GPR107: variants seen among roughly 807,000 people sequenced by gnomAD.
The protein encoded by GPR107 is protein GPR107.
GPR107 carries 31 observed loss-of-function variants against 75.5 expected under a neutral mutation model. The observed-to-expected ratio is 0.41, with a 90% CI of 0.31 to 0.55. The LOEUF (loss-of-function observed/expected upper bound fraction) is 0.55, where lower values mean the gene tolerates loss of function less well. Among genes scored for constraint, GPR107 ranks in the 20% least tolerant of loss-of-function variants. The probability of loss-of-function intolerance (pLI) is 0.26; values close to 1 mark genes in which losing one functional copy is unlikely to be tolerated. For synonymous variants in GPR107, 267 were observed against 251.3 expected, an observed-to-expected ratio of 1.06 and a Z score of -0.59; for missense variants, 572 against 665.7, an observed-to-expected ratio of 0.86 and a Z score of 1.55.
rs377560330 is a variant in GPR107, at chr9:130,100,397, C to G, written c.940-232C>G. 3.9e-4 allele frequency among the ~76,000 whole-genome samples: 60 copies of G among 152,348 alleles called. 2 individuals are homozygous for G. In the South Asian group the frequency reaches 0.012, roughly 31 times the overall value. On this transcript the variant is annotated intron_variant, in intron 10 of 17. Coordinates refer to ENST00000347136, the MANE Select transcript of GPR107 (RefSeq NM_020960.5). ...GGGGTAAGATCACAACTTCTCCTGT[C>G]TGTGGGCCTCCAAGTGCCCGTGGAG...
intron 15 of GPR107, among the ~76,000 whole-genome samples, chr9:130,127,182 T>TA (rs1423985862): frequency 5.3e-5 from 8 of 152,124 alleles, no homozygotes; most frequent in Admixed American, 5.2e-4. Flanking sequence ...ATCAAGGGCT[T>TA]ATGTCTGTGG....
chr9:130,086,441 T>C lies in GPR107; in HGVS notation c.586T>C (p.Ser196Pro), dbSNP rs1338267654. The C allele has an allele frequency of 1.3e-6, 2 of 1,549,534 alleles. No individual in the cohort carries two copies. The highest frequency in any genetic ancestry group is 2.2e-5 in the South Asian group (2 of 89,642). The change falls in exon 7 of 18, where the codon TCT becomes CCT. Residue 196 changes from serine (S) to proline (P), a missense_variant. Physicochemically the swap from Ser to Pro is moderately conservative, Grantham distance 74. Coordinates refer to ENST00000347136, the MANE Select transcript of GPR107 (RefSeq NM_020960.5). ...TTAGGCCATGGGAGAGAAATCCTTT[T>C]CTGTTCATAATAATGGTGGGGCAGT... ...DSKAMGEKSFSVHNNGGAVSF... is the reference protein window; with the variant it reads ...DSKAMGEKSFPVHNNGGAVSF...
At chr9:130,127,666 A>G in intron 16 of GPR107, 100 bp downstream of exon 16, 3 of 685,666 alleles carry the variant, frequency 4.4e-6, no homozygotes, top group Non-Finnish European at 7.7e-6. Context: ...GGGAATGACC[A>G]CTAAGACCTT....
At chr9:130,064,213 C>A (rs1429635407) in intron 1 of GPR107, among the ~76,000 whole-genome samples, 1 of 64,104 alleles carries the variant, frequency 1.6e-5, no homozygotes, top group Non-Finnish European at 2.9e-5. Context: ...TTTTTTGAGA[C>A]GGAGTCTCGC....
intron 2 of GPR107, 40 bp downstream of exon 2, chr9:130,075,789 T>C: frequency 9.7e-7 from 1 of 1,031,044 alleles, no homozygotes; most frequent in Non-Finnish European, 1.5e-6. Context: ...TTACTCTTTT[T>C]TTTTTTTTTT....
At chr9:130,092,457 G>C in intron 9 of GPR107, 76 bp downstream of exon 9, 1 of 1,209,892 alleles carries the variant, frequency 8.3e-7, no homozygotes, top group Non-Finnish European at 1.2e-6. Context: ...TCCTGAACCT[G>C]GAGGCAGTTG....
chr9:130,079,737 C>A lies in GPR107; in HGVS notation c.494C>A (p.Ala165Asp). 1 of 1,612,442 alleles carries A rather than the reference C, an allele frequency of 6.2e-7. No individual in the cohort carries two copies. Among genetic ancestry groups the A allele is most frequent in the South Asian group, 1.1e-5 (1 of 90,796 alleles). Reference sequence around the variant, plus strand: ...AGCCAGGAGCCTAATGTTAACCCTGCTTCAGCAGGCAACCAGACCCAGAAG... The same window carrying A: ...AGCCAGGAGCCTAATGTTAACCCTGATTCAGCAGGCAACCAGACCCAGAAG... Reference protein sequence around the residue: ...GQSQEPNVNPASAGNQTQKTQ... With the variant: ...GQSQEPNVNPDSAGNQTQKTQ... Residue 165 changes from alanine (A) to aspartate (D), a missense_variant, in exon 5 of 18, where the codon GCT becomes GAT. Ala to Asp is a moderately radical substitution (Grantham distance 126). Transcript: ENST00000347136.
At chr9:130,058,571 T>A (rs1829849732) in intron 1 of GPR107, among the ~76,000 whole-genome samples, 1 of 152,032 alleles carries the variant, frequency 6.6e-6, no homozygotes, top group African/African-American at 2.4e-5. Context: ...TTCAGGCGAT[T>A]CTCCTGCCTC....
intron 1 of GPR107, among the ~76,000 whole-genome samples, chr9:130,055,541 A>G (rs1564654681): frequency 6.6e-6 from 1 of 151,922 alleles, no homozygotes; most frequent in East Asian, 1.9e-4. Context: ...AAAAAAAAAA[A>G]AAAGAAGTGG....
intron 1 of GPR107, among the ~76,000 whole-genome samples, chr9:130,058,299 C>G (rs1258578955): frequency 3.3e-5 from 5 of 152,144 alleles, no homozygotes; most frequent in Non-Finnish European, 7.3e-5. Flanking sequence ...TGACCACAAT[C>G]TAGCCACAGA....
chr9:130,104,629 G>C (rs1199563132), intron 13 of GPR107, 79 bp downstream of exon 13: 8 of 1,157,222 alleles, frequency 6.9e-6, no homozygotes, highest in Admixed American at 5.5e-5. Context: ...TTCCCAAACT[G>C]ATCTCAGTCA....
intron 17 of GPR107, chr9:130,133,131 C>G (rs933515683): frequency 1.3e-5 from 2 of 152,216 alleles, no homozygotes; most frequent in Non-Finnish European, 2.9e-5. Flanking sequence ...GGAAGACCAT[C>G]TCTTCTCCTG....
intron 1 of GPR107, among the ~76,000 whole-genome samples, chr9:130,060,272 G>A (rs933726280): frequency 6.6e-6 from 1 of 151,174 alleles, no homozygotes; most frequent in Non-Finnish European, 1.5e-5. Context: ...CCTGTTGACC[G>A]GGCTGGTCTC....
chr9:130,093,070 G>C (rs1830779678), intron 9 of GPR107, among the ~76,000 whole-genome samples: 1 of 152,334 alleles, frequency 6.6e-6, no homozygotes, highest in African/African-American at 2.4e-5. Context: ...GATGAGCACT[G>C]CCTGGCGAGA....
intron 9 of GPR107, among the ~76,000 whole-genome samples, chr9:130,093,915 A>G (rs1468131531): frequency 6.6e-6 from 1 of 152,112 alleles, no homozygotes; most frequent in Non-Finnish European, 1.5e-5. Context: ...TCTGGGTTCA[A>G]GCGATTCTGG....
chr9:130,064,282 C>CT (rs1830012591), intron 1 of GPR107, among the ~76,000 whole-genome samples: 8 of 144,360 alleles, frequency 5.5e-5, no homozygotes, highest in African/African-American at 1.8e-4. Flanking sequence ...ACTGCAAGCT[C>CT]CGCTTCCCGG....
At chr9:130,061,232 T>G (rs1037473792) in intron 1 of GPR107, among the ~76,000 whole-genome samples, 1 of 152,164 alleles carries the variant, frequency 6.6e-6, no homozygotes, top group Non-Finnish European at 1.5e-5. Context: ...GACAGCTAGC[T>G]TCTAAACACC....
At chr9:130,115,522 C>T (rs375406385) in intron 14 of GPR107, among the ~76,000 whole-genome samples, 5 of 151,798 alleles carry the variant, frequency 3.3e-5, no homozygotes, top group East Asian at 3.9e-4. Context: ...CCCAGCACTT[C>T]GGGAAGACGA....
chr9:130,092,504 C>T, intron 9 of GPR107, 123 bp downstream of exon 9: 1 of 781,404 alleles, frequency 1.3e-6, no homozygotes. Context: ...AGGGCATCTT[C>T]CCGGAAACAG....
Sources: gnomAD v4.1 joint callset for allele counts (sites outside exome capture counted in the v4.1 genomes callset) on GRCh38, gnomAD v4.1.1 for gene constraint, MANE v1.5 for transcripts, NCBI Gene and HGNC (gene_info 2026-07-23, HGNC 2026-07-21) for gene names.